PCDHA3: variants seen among roughly 807,000 people sequenced by gnomAD.
The protein encoded by PCDHA3 is protocadherin alpha-3.
In PCDHA3, 41 loss-of-function variants were observed where a neutral mutation model predicts 62.2. The ratio of observed to expected loss-of-function variants is 0.66; its 90% CI spans 0.51 to 0.86. The LOEUF is 0.86. Among genes scored for constraint, PCDHA3 ranks in the 40% least tolerant of loss-of-function variants. The probability of loss-of-function intolerance (pLI) is 0.00; values close to 1 mark genes in which losing one functional copy is unlikely to be tolerated. For synonymous variants in PCDHA3, 640 were observed against 555.4 expected (o/e 1.15, Z -2.14); for missense variants, 1,304 against 1,241.2 (o/e 1.05, Z -0.76).
intron 1 of PCDHA3, chr5:140,836,827 G>C: frequency 1.0e-6 from 1 of 968,068 alleles, no homozygotes; most frequent in African/African-American, 1.7e-5. Context: ...TTCTTTTTTA[G>C]TTGATAGCTT....
chr5:140,801,314 C>A lies in PCDHA3; in HGVS notation c.117C>A (p.Ala39=). Residue 39 remains alanine (A), a synonymous_variant, in exon 1 of 4, where the codon GCC becomes GCA. Coordinates refer to ENST00000522353, the MANE Select transcript of PCDHA3 (RefSeq NM_018906.3). ...GQLHYSVSEE[A]KHGTFVGRIA... is the part of the protein sequence containing the mutation. The stretch of plus-strand genomic sequence containing the variant: ...TCCACTACTCCGTCTCTGAGGAGGC[C>A]AAGCATGGCACCTTCGTGGGCCGCA... The A allele has an allele frequency of 6.2e-7, 1 of 1,613,342 alleles. No homozygotes were observed. Among genetic ancestry groups the A allele is most frequent in the East Asian group, 2.2e-5 (1 of 44,894 alleles).
chr5:140,905,948 G>A (rs2072228532), intron 1 of PCDHA3, among the ~76,000 whole-genome samples: 3 of 152,180 alleles, frequency 2.0e-5, no homozygotes, highest in Non-Finnish European at 4.4e-5. Flanking sequence ...CTTGGAATCC[G>A]ATGTTCAAGG....
intron 1 of PCDHA3, among the ~76,000 whole-genome samples, chr5:140,947,620 T>C (rs1554218262): frequency 6.6e-6 from 1 of 151,706 alleles, no homozygotes; most frequent in African/African-American, 2.4e-5. Flanking sequence ...CTTAACAATA[T>C]TGAGTCATCA....
At chr5:140,956,666 G>C (rs1232573740) in intron 1 of PCDHA3, among the ~76,000 whole-genome samples, 2 of 152,088 alleles carry the variant, frequency 1.3e-5, no homozygotes, top group African/African-American at 4.8e-5. Context: ...GGCCTTAAAG[G>C]AGTTAGGGAG....
intron 1 of PCDHA3, among the ~76,000 whole-genome samples, chr5:140,949,914 C>T (rs941651578): frequency 1.3e-5 from 2 of 151,190 alleles, no homozygotes; most frequent in African/African-American, 4.8e-5. Context: ...TTAGATATAA[C>T]TATTTTTAGA....
At chr5:140,897,863 T>C (rs1432232591) in intron 1 of PCDHA3, among the ~76,000 whole-genome samples, 6 of 152,206 alleles carry the variant, frequency 3.9e-5, no homozygotes, top group Admixed American at 3.9e-4. Flanking sequence ...GTTTCCTGAC[T>C]TTTTAATGAT....
At chr5:140,890,248 A>G (rs2062564503) in intron 1 of PCDHA3, among the ~76,000 whole-genome samples, 1 of 152,096 alleles carries the variant, frequency 6.6e-6, no homozygotes, top group Non-Finnish European at 1.5e-5. Context: ...CCAGTACACT[A>G]CTGCACCTGA....
intron 1 of PCDHA3, chr5:140,836,576 A>C (rs1554136097): frequency 1.2e-6 from 2 of 1,613,572 alleles, no homozygotes; most frequent in African/African-American, 1.3e-5. Flanking sequence ...CTGAGGGCGC[A>C]TGTAGTTTGG....
At chr5:140,843,144 C>G (rs1554139783) in intron 1 of PCDHA3, 3 of 1,596,036 alleles carry the variant, frequency 1.9e-6, no homozygotes, top group Non-Finnish European at 2.6e-6. Flanking sequence ...GCGTGGCTTT[C>G]GTATGAGCTG....
intron 1 of PCDHA3, among the ~76,000 whole-genome samples, chr5:140,977,050 G>A (rs546385020): frequency 6.6e-6 from 1 of 152,162 alleles, no homozygotes; most frequent in Non-Finnish European, 1.5e-5. Context: ...TGTTGCTGAT[G>A]GACTAGTATA....
intron 1 of PCDHA3, chr5:140,870,333 C>T (rs564033882): frequency 1.2e-6 from 2 of 1,614,164 alleles, no homozygotes; most frequent in South Asian, 2.2e-5. Flanking sequence ...TGCTGGACAG[C>T]GCCCTGGACC....
At chr5:140,928,878 G>A (rs1563110550) in intron 1 of PCDHA3, 6 of 1,614,194 alleles carry the variant, frequency 3.7e-6, no homozygotes, top group Non-Finnish European at 4.2e-6. Flanking sequence ...CTGTCCCTCA[G>A]TTACTTCCAG....
At position 140,843,586 on chromosome 5, in the gene PCDHA3, G is replaced by A. The variant is rs2150363126; in HGVS notation, c.2394+39995G>A. 23 of 1,596,010 alleles carry A rather than the reference G, an allele frequency of 1.4e-5. 4 individuals carry two copies. The highest frequency in any genetic ancestry group is 5.4e-5 in the African/African-American group (4 of 74,542). ...GCTGGTCATACTCGCAACAACAGCC[G>A]CAGAGGGTGTGCTCTGGTGAGGGGC... On this transcript the variant is annotated intron_variant, in intron 1 of 3. Coordinates refer to ENST00000522353, the MANE Select transcript of PCDHA3 (RefSeq NM_018906.3).
chr5:140,942,132 TG>T (rs1554214846), intron 1 of PCDHA3, among the ~76,000 whole-genome samples: 1 of 152,250 alleles, frequency 6.6e-6, no homozygotes, highest in African/African-American at 2.4e-5. Flanking sequence ...GTGATATTTG[TG>T]GCTTTACTTG....
chr5:140,836,103 G>C, intron 1 of PCDHA3: 1 of 1,613,736 alleles, frequency 6.2e-7, no homozygotes, highest in Non-Finnish European at 8.5e-7. Flanking sequence ...GGGTGGCACT[G>C]GTGGCGCAGT....
intron 1 of PCDHA3, among the ~76,000 whole-genome samples, chr5:140,845,131 G>A (rs1779712441): frequency 6.7e-6 from 1 of 149,158 alleles, no homozygotes; most frequent in South Asian, 2.1e-4. Flanking sequence ...CATTTTATTT[G>A]ACTATTTGAA....
At chr5:140,871,682 A>C (rs1207167654) in intron 1 of PCDHA3, 1 of 1,103,566 alleles carries the variant, frequency 9.1e-7, no homozygotes, top group Non-Finnish European at 1.3e-6. Context: ...TCATATGAAT[A>C]ATCTGGCTTC....
chr5:140,877,637 G>A (rs1554169943), intron 1 of PCDHA3: 1 of 1,613,520 alleles, frequency 6.2e-7, no homozygotes, highest in Non-Finnish European at 8.5e-7. Context: ...ACTGCGCTGC[G>A]TTGCTCAGCG....
intron 1 of PCDHA3, chr5:140,827,862 T>C (rs1402677549): frequency 1.7e-6 from 1 of 602,742 alleles, no homozygotes; most frequent in Non-Finnish European, 2.9e-6. Flanking sequence ...AAATATATGG[T>C]ATAGCACTGT....
Sources: gnomAD v4.1 joint callset for allele counts (sites outside exome capture counted in the v4.1 genomes callset) on GRCh38, gnomAD v4.1.1 for gene constraint, MANE v1.5 for transcripts, NCBI Gene and HGNC (gene_info 2026-07-23, HGNC 2026-07-21) for gene names.